ERO1B: variants seen among roughly 807,000 people sequenced by gnomAD.
ERO1B encodes ERO1-like protein beta.
ERO1B carries 49 observed loss-of-function variants against 75.3 expected under a neutral mutation model. The ratio of observed to expected loss-of-function variants is 0.65; its 90% CI spans 0.52 to 0.83. The LOEUF is 0.83. Among genes scored for constraint, ERO1B ranks in the 40% least tolerant of loss-of-function variants. ERO1B has a pLI of 0.00. For missense variants in ERO1B, 512 were observed against 560.1 expected, an observed-to-expected ratio of 0.91 and a Z score of 0.87; for synonymous variants, 191 against 192.9, an observed-to-expected ratio of 0.99 and a Z score of 0.08.
chr1:236,277,406 GAAAA>G (rs1385146361), intron 1 of ERO1B, among the ~76,000 whole-genome samples: 1 of 116,906 alleles, frequency 8.6e-6, no homozygotes, highest in African/African-American at 3.2e-5. Context: ...TCTACTCCAG[GAAAA>G]AAAAAAAAAA....
At chr1:236,224,436 C>T (rs1217016501) in intron 13 of ERO1B, among the ~76,000 whole-genome samples, 2 of 147,574 alleles carry the variant, frequency 1.4e-5, no homozygotes, top group African/African-American at 5.0e-5. Context: ...GGCAACATAG[C>T]GAGACCCCAT....
rs1664050781 is a variant in ERO1B, at chr1:236,218,403, T to C, written c.*113A>G. On this transcript the variant is annotated 3_prime_UTR_variant, in exon 16 of 16. Coordinates refer to ENST00000354619, the MANE Select transcript of ERO1B (RefSeq NM_019891.4). ...TTCAAGTGAGCATTTAAATTTTCTA[T>C]TTAATAGTTCAGAATTCTTGAAGTC... is the stretch of plus-strand genomic sequence containing the variant. The C allele has an allele frequency of 2.0e-6, 2 of 1,002,968 alleles. No individual in the cohort carries two copies. Among genetic ancestry groups the C allele is most frequent in the Non-Finnish European group, 1.3e-6 (1 of 771,436 alleles). The allele number at this position is 1,002,968 out of a possible 1,614,324, so 62.1% of individuals were successfully genotyped here.
intron 2 of ERO1B, among the ~76,000 whole-genome samples, chr1:236,254,708 G>A (rs1665118531): frequency 1.3e-5 from 2 of 151,892 alleles, no homozygotes; most frequent in Admixed American, 1.3e-4. Flanking sequence ...TGCCTCCTGG[G>A]TTCAAGTGAT....
At chr1:236,256,729 C>T (rs1665169128) in intron 2 of ERO1B, among the ~76,000 whole-genome samples, 1 of 152,138 alleles carries the variant, frequency 6.6e-6, no homozygotes, top group African/African-American at 2.4e-5. Flanking sequence ...TTCAACTCTC[C>T]ATGAAAATAA....
At chr1:236,227,304 A>T (rs957604146) in intron 10 of ERO1B, among the ~76,000 whole-genome samples, 1 of 152,212 alleles carries the variant, frequency 6.6e-6, no homozygotes, top group South Asian at 2.1e-4. Context: ...CAGTGGAATC[A>T]TATCAGTGGA....
intron 9 of ERO1B, among the ~76,000 whole-genome samples, chr1:236,230,859 T>C (rs1572035194): frequency 6.6e-6 from 1 of 151,914 alleles, no homozygotes; most frequent in African/African-American, 2.4e-5. Context: ...ACTCAGAAGG[T>C]TGAGGGGGAA....
chr1:236,217,019 G>C lies in ERO1B; in HGVS notation c.*1497C>G, dbSNP rs898619295. Reference sequence around the variant, plus strand: ...ATTAGGTGAGAAAATAAATAACTCTGAGACCTTAATACCCCCACCACATCC... The same window carrying C: ...ATTAGGTGAGAAAATAAATAACTCTCAGACCTTAATACCCCCACCACATCC... On this transcript the variant is annotated 3_prime_UTR_variant, in exon 16 of 16. Transcript: ENST00000354619. 4 of 151,800 alleles carry C rather than the reference G, an allele frequency of 2.6e-5. No individual in the cohort carries two copies. Among genetic ancestry groups the C allele is most frequent in the African/African-American group, 9.7e-5 (4 of 41,326 alleles). 9.4% of individuals were successfully genotyped at this position (151,800 alleles called of 1,614,324 possible).
intron 1 of ERO1B, among the ~76,000 whole-genome samples, chr1:236,276,221 C>A (rs900381179): frequency 1.3e-5 from 2 of 152,192 alleles, no homozygotes; most frequent in Non-Finnish European, 2.9e-5. Context: ...ATCTATTAAT[C>A]CTCCAAGTGG....
At chr1:236,268,706 G>GA (rs1209320877) in intron 2 of ERO1B, among the ~76,000 whole-genome samples, 2 of 151,700 alleles carry the variant, frequency 1.3e-5, no homozygotes, top group Admixed American at 6.6e-5. Context: ...CTAACATGGT[G>GA]AAACCCCGTC....
chr1:236,250,808 C>T (rs1467581882), intron 4 of ERO1B, among the ~76,000 whole-genome samples: 1 of 151,812 alleles, frequency 6.6e-6, no homozygotes, highest in Non-Finnish European at 1.5e-5. Flanking sequence ...AGTGAGACCA[C>T]ATCCCAGGGC....
chr1:236,268,719 T>C (rs1470439765), intron 2 of ERO1B, among the ~76,000 whole-genome samples: 1 of 151,656 alleles, frequency 6.6e-6, no homozygotes, highest in Non-Finnish European at 1.5e-5. Context: ...ACCCCGTCTC[T>C]ACTAAAAATA....
intron 1 of ERO1B, among the ~76,000 whole-genome samples, chr1:236,271,706 T>C (rs1268901700): frequency 1.3e-5 from 2 of 151,940 alleles, no homozygotes; most frequent in African/African-American, 4.8e-5. Context: ...ATACTGCCAG[T>C]GTCCTTTAAG....
chr1:236,251,925 C>A, intron 4 of ERO1B, 125 bp downstream of exon 4: 1 of 692,748 alleles, frequency 1.4e-6, no homozygotes, highest in Non-Finnish European at 2.5e-6. Flanking sequence ...ATTTGGAATT[C>A]TGAGGCAAAA....
At chr1:236,239,374 C>A (rs1449434023) in intron 6 of ERO1B, among the ~76,000 whole-genome samples, 27 of 152,142 alleles carry the variant, frequency 1.8e-4, no homozygotes, top group Admixed American at 1.8e-3. Flanking sequence ...GTAATTCCAA[C>A]AGAGACCCTA....
intron 2 of ERO1B, among the ~76,000 whole-genome samples, chr1:236,257,986 A>G (rs994065566): frequency 2.0e-5 from 3 of 151,770 alleles, no homozygotes; most frequent in Admixed American, 6.6e-5. Context: ...GAGAAGAAAG[A>G]GAAAAAGGGA....
chr1:236,249,322 G>A (rs555955790), intron 5 of ERO1B, among the ~76,000 whole-genome samples: 2 of 151,784 alleles, frequency 1.3e-5, no homozygotes, highest in Non-Finnish European at 2.9e-5. Context: ...CACCATGCCC[G>A]GCTCATAAAT....
At chr1:236,259,590 C>A (rs776620535) in intron 2 of ERO1B, among the ~76,000 whole-genome samples, 8 of 151,978 alleles carry the variant, frequency 5.3e-5, no homozygotes, top group Non-Finnish European at 1.0e-4. Context: ...GGGTAGCTAT[C>A]CATATGTCAG....
Position 236,230,100 on chromosome 1 carries a change from T to A in ERO1B, c.712+124A>T, listed in dbSNP as rs568600123. The A allele has an allele frequency of 6.4e-6, 4 of 626,374 alleles. No individual in the cohort carries two copies. In the African/African-American group the frequency reaches 6.7e-5, roughly 10 times the overall value. 38.8% of individuals were successfully genotyped at this position (626,374 alleles called of 1,614,324 possible). ...TCCCCATATGTTAACCTAAAACACA[T>A]TTTTTTTTTCAAACTGTCAAAATTA... On this transcript the variant is annotated intron_variant, in intron 10 of 15. Coordinates refer to ENST00000354619, the MANE Select transcript of ERO1B (RefSeq NM_019891.4).
At chr1:236,274,176 G>A (rs567562396) in intron 1 of ERO1B, among the ~76,000 whole-genome samples, 3 of 151,904 alleles carry the variant, frequency 2.0e-5, no homozygotes, top group South Asian at 2.1e-4. Flanking sequence ...TAGAGACAGC[G>A]TTTCACCATG....
Sources: allele counts gnomAD v4.1 joint callset (sites outside exome capture counted in the v4.1 genomes callset), GRCh38; gene constraint gnomAD v4.1.1; transcripts MANE v1.5; gene names NCBI Gene and HGNC (gene_info 2026-07-23, HGNC 2026-07-21).